The following WDR11 variants were observed in gnomAD, a reference collection of about 807,000 sequenced individuals.
WDR11 encodes the protein WD repeat domain 11, also known as WD repeat-containing protein 11.
In WDR11, 83 loss-of-function variants were observed where a neutral mutation model predicts 151.2. The ratio of observed to expected loss-of-function variants is 0.55; its 90% CI spans 0.46 to 0.66. The LOEUF is 0.66. WDR11 is among the 30% of genes least tolerant of loss of function. The probability of loss-of-function intolerance (pLI) is 0.00; values close to 1 mark genes in which losing one functional copy is unlikely to be tolerated. For missense variants in WDR11, 1,301 were observed against 1,480.9 expected (o/e 0.88, Z 1.99); for synonymous variants, 484 against 533.1 (o/e 0.91, Z 1.27).
chr10:120,886,569 T>C (rs1847225676), intron 15 of WDR11, 120 bp from the exon 16 acceptor site: 5 of 1,298,228 alleles, frequency 3.9e-6, no homozygotes, highest in South Asian at 1.4e-5. Context: ...TTTCAGACTT[T>C]TAAAAAAATA....
At chr10:120,897,947 A>T (rs1847674725) in intron 19 of WDR11, among the ~76,000 whole-genome samples, 1 of 152,218 alleles carries the variant, frequency 6.6e-6, no homozygotes, top group South Asian at 2.1e-4. Context: ...TAAATTGAAA[A>T]ATCCACATAA....
chr10:120,905,316 C>A lies in WDR11; in HGVS notation c.3194-3C>A. ...CTTAAGGGGATGCGCTTTTGTCTTT[C>A]AGAGGGCGTTCAGTTGCTCTGCCTG... On this transcript the variant is annotated splice_region_variant and splice_polypyrimidine_tract_variant and intron_variant, in intron 25 of 28. Coordinates refer to ENST00000263461, the MANE Select transcript of WDR11 (RefSeq NM_018117.12). 2.5e-6 allele frequency: 4 copies of A among 1,613,952 alleles called. No homozygotes were observed. In the South Asian group the frequency reaches 4.4e-5, roughly 18 times the overall value.
Position 120,883,811 on chromosome 10 carries a change from C to A in WDR11, c.1771C>A (p.Pro591Thr), listed in dbSNP as rs776267557. 6.2e-7 allele frequency: 1 copy of A among 1,613,470 alleles called. No homozygotes were observed. Among genetic ancestry groups the A allele is most frequent in the Admixed American group, 1.7e-5 (1 of 59,982 alleles). ...QYLAVVFRDKPLELWDVRTCT... is the reference protein window; with the variant it reads ...QYLAVVFRDKTLELWDVRTCT... ...TTTGGCAGTCGTATTCAGAGATAAA[C>A]CCCTGGAGCTATGGGATGTTAGGAC... is the stretch of plus-strand genomic sequence containing the variant. Residue 591 changes from proline (P) to threonine (T), a missense_variant, in exon 14 of 29, where the codon CCC becomes ACC. Around this residue, in one of 3 missense-constraint regions of WDR11, gnomAD observed 692 missense variants for 762.5 expected, o/e 0.91. Coordinates refer to ENST00000263461, the MANE Select transcript of WDR11 (RefSeq NM_018117.12).
Position 120,890,851 on chromosome 10 carries a change from T to C in WDR11, c.2479T>C (p.Ser827Pro). 2.5e-6 allele frequency: 4 copies of C among 1,614,142 alleles called. No individual in the cohort carries two copies. The highest frequency in any genetic ancestry group is 3.4e-6 in the Non-Finnish European group (4 of 1,180,026). Reference protein sequence around the residue: ...CIRVLEMSMKSACFRMDEQEL... With the variant: ...CIRVLEMSMKPACFRMDEQEL... ...CAGAGTCCTAGAGATGTCTATGAAG[T>C]CTGCGTGCTTTAGAATGGATGAACA... Residue 827 changes from serine (S) to proline (P), a missense_variant, in exon 19 of 29, where the codon TCT becomes CCT. Physicochemically the swap from Ser to Pro is moderately conservative, Grantham distance 74. Coordinates refer to ENST00000263461, the MANE Select transcript of WDR11 (RefSeq NM_018117.12).
At chr10:120,906,432 C>A (rs1477138069) in intron 27 of WDR11, 1 of 1,246,518 alleles carries the variant, frequency 8.0e-7, no homozygotes, top group Non-Finnish European at 1.0e-6. Context: ...TGGAGCATTT[C>A]ATTTATTCAA....
At position 120,858,714 on chromosome 10, in the gene WDR11, T is replaced by C. The variant is rs1190988611; in HGVS notation, c.270T>C (p.Asp90=). 1 of 1,614,216 alleles carries C rather than the reference T, an allele frequency of 6.2e-7. No homozygotes were observed. Among genetic ancestry groups the C allele is most frequent in the South Asian group, 1.1e-5 (1 of 91,082 alleles). ...ATTGCTTACGGTTAGCTTCTGCTGA[T>C]GTCAATGGGAAGATCATCGTCTGGG... is the stretch of plus-strand genomic sequence containing the variant. ...SPYCLRLASA[D]VNGKIIVWDV... is the part of the protein sequence containing the mutation. Residue 90 remains aspartate, a synonymous_variant, in exon 3 of 29, where the codon GAT becomes GAC. Transcript: ENST00000263461.
intron 19 of WDR11, among the ~76,000 whole-genome samples, chr10:120,895,134 CATTG>C (rs1847565142): frequency 6.6e-6 from 1 of 152,088 alleles, no homozygotes; most frequent in Non-Finnish European, 1.5e-5. Flanking sequence ...TTCGTTTGTT[CATTG>C]ATTAAGAAAT....
rs553450910 is a variant in WDR11, at chr10:120,896,536, C to T, written c.2516-3493C>T. On this transcript the variant is annotated intron_variant, in intron 19 of 28. Transcript: ENST00000263461. ...AATATTGGTAACATAACCACACACA[C>T]ACACAAAAACAGTTCAAATAACTAA... Among the ~76,000 whole-genome samples the T allele has an allele frequency of 2.1e-3, 326 of 152,310 alleles. 1 individual carries two copies. The highest frequency in any genetic ancestry group is 7.0e-3 in the African/African-American group (290 of 41,558).
At chr10:120,883,539 T>C (rs1181085143) in intron 13 of WDR11, among the ~76,000 whole-genome samples, 1 of 152,198 alleles carries the variant, frequency 6.6e-6, no homozygotes, top group East Asian at 1.9e-4. Flanking sequence ...TTTGAATCTA[T>C]GCCACTCTTT....
At chr10:120,858,210 TCTC>T (rs1320436418) in intron 2 of WDR11, among the ~76,000 whole-genome samples, 1 of 152,156 alleles carries the variant, frequency 6.6e-6, no homozygotes. Context: ...GACTTTGCCT[TCTC>T]CTGACTTTCC....
At position 120,878,382 on chromosome 10, in the gene WDR11, T is replaced by G; in HGVS notation, c.1586T>G (p.Phe529Cys). The G allele has an allele frequency of 6.2e-7, 1 of 1,613,176 alleles. No homozygotes were observed. Among genetic ancestry groups the G allele is most frequent in the Non-Finnish European group, 8.5e-7 (1 of 1,179,452 alleles). The change falls in exon 12 of 29, where the codon TTT (phenylalanine) becomes TGT (cysteine). Residue 529 changes from phenylalanine (F) to cysteine (C), a missense_variant. Phe to Cys is a radical substitution (Grantham distance 205). Transcript: ENST00000263461. Reference protein sequence around the residue: ...KGIEWTSLTSFLSFATSTPNN... With the variant: ...KGIEWTSLTSCLSFATSTPNN... ...ATTGAATGGACAAGTTTGACTAGTT[T>G]TCTTTCTTTTGCTACCTCAACACCA...
intron 19 of WDR11, among the ~76,000 whole-genome samples, chr10:120,893,772 T>C (rs1269226112): frequency 1.5e-3 from 234 of 152,210 alleles, no homozygotes; most frequent in African/African-American, 5.5e-3. Flanking sequence ...CCAGTGATGA[T>C]GAGCATTTTT....
Position 120,904,720 on chromosome 10 carries a change from C to T in WDR11, c.3102C>T (p.Ala1034=). 4 of 1,614,140 alleles carry T rather than the reference C, an allele frequency of 2.5e-6. No homozygotes were observed. The highest frequency in any genetic ancestry group is 3.4e-6 in the Non-Finnish European group (4 of 1,180,010). ...NQHYYCDSLK[A]CLVTTVTSSG... ...ATTATTACTGTGATTCACTGAAAGCCTGTTTAGTCACTACTGTCACCTCGT... is the reference window on the plus strand; with the variant it reads ...ATTATTACTGTGATTCACTGAAAGCTTGTTTAGTCACTACTGTCACCTCGT... Residue 1034 remains alanine (A), a synonymous_variant, in exon 25 of 29, where the codon GCC becomes GCT. Transcript: ENST00000263461.
intron 19 of WDR11, among the ~76,000 whole-genome samples, chr10:120,895,260 C>G (rs1353508075): frequency 6.6e-6 from 1 of 152,152 alleles, no homozygotes; most frequent in Non-Finnish European, 1.5e-5. Flanking sequence ...ATACCAACAA[C>G]TATCTACATG....
chr10:120,869,363 T>C (rs1191619139), intron 9 of WDR11, among the ~76,000 whole-genome samples: 2 of 152,094 alleles, frequency 1.3e-5, no homozygotes, highest in African/African-American at 4.8e-5. Context: ...TCCGCCCGCC[T>C]CGGCCTCCCA....
chr10:120,899,921 G>C, intron 19 of WDR11, 108 bp from the exon 20 acceptor site: 1 of 882,912 alleles, frequency 1.1e-6, no homozygotes, highest in South Asian at 1.4e-5. Context: ...AGTTGTTCCA[G>C]ATTTACCTGT....
chr10:120,878,090 C>T (rs1846863493), intron 11 of WDR11, among the ~76,000 whole-genome samples: 1 of 152,128 alleles, frequency 6.6e-6, no homozygotes, highest in South Asian at 2.1e-4. Flanking sequence ...AATAGTCATA[C>T]TAATACTGAT....
At chr10:120,851,605 C>A in intron 1 of WDR11, 99 bp downstream of exon 1, 2 of 1,467,186 alleles carry the variant, frequency 1.4e-6, no homozygotes, top group Non-Finnish European at 1.9e-6. Flanking sequence ...AGTTTGGCCT[C>A]GCTAAGGCAG....
chr10:120,880,587 A>G, intron 12 of WDR11: 1 of 435,948 alleles, frequency 2.3e-6, no homozygotes, highest in South Asian at 2.2e-5. Flanking sequence ...TGAACCTGGG[A>G]GGCGGAGGTT....
Sources: allele counts gnomAD v4.1 joint callset (sites outside exome capture counted in the v4.1 genomes callset), GRCh38; gene constraint gnomAD v4.1.1; regional missense constraint gnomAD v4.1.1; transcripts MANE v1.5; gene names NCBI Gene and HGNC (gene_info 2026-07-23, HGNC 2026-07-21).